Variants in NHEJ1 observed in about 807,000 individuals in gnomAD.
The protein encoded by NHEJ1 is non-homologous end joining factor 1.
A neutral mutation model predicts 39.4 loss-of-function variants in NHEJ1; 22 were observed. The ratio of observed to expected loss-of-function variants is 0.56; its 90% CI spans 0.40 to 0.80. The LOEUF is 0.80. Ranked by LOEUF, NHEJ1 falls within the 30% of genes least tolerant of loss-of-function variation. The pLI is 0.00. For missense variants in NHEJ1, 329 were observed against 357.1 expected, an observed-to-expected ratio of 0.92 and a Z score of 0.63; for synonymous variants, 154 against 135.6, an observed-to-expected ratio of 1.14 and a Z score of -0.94.
rs71429214 is a variant in NHEJ1, at chr2:219,073,772, C to T, written c.*2609G>A. ...TGGCCCCAGCCCCAGCCCCGGGGAG[C>T]GGGCGGGTAGGCGGGGAGGTGGGCC... On this transcript the variant is annotated 3_prime_UTR_variant, in exon 8 of 8. Transcript: ENST00000356853. 5.3e-5 allele frequency among the ~76,000 whole-genome samples: 8 copies of T among 152,312 alleles called. No homozygotes were observed. Among genetic ancestry groups the T allele is most frequent in the South Asian group, 2.1e-4 (1 of 4,830 alleles).
chr2:219,119,312 T>G (rs1949448465), intron 5 of NHEJ1, among the ~76,000 whole-genome samples: 1 of 152,156 alleles, frequency 6.6e-6, no homozygotes, highest in Non-Finnish European at 1.5e-5. Flanking sequence ...GTGTAGAAAC[T>G]ATGGCATCTG....
chr2:219,160,618 C>A (rs2106372824), intron 1 of NHEJ1, 102 bp downstream of exon 1: 1 of 152,220 alleles, frequency 6.6e-6, no homozygotes, highest in East Asian at 1.9e-4. Flanking sequence ...GCAGCGCGCG[C>A]TCCCTCCAGG....
At chr2:219,080,157 G>A (rs1032600005) in intron 5 of NHEJ1, among the ~76,000 whole-genome samples, 4 of 152,088 alleles carry the variant, frequency 2.6e-5, no homozygotes, top group African/African-American at 4.8e-5. Flanking sequence ...ATCTGGTCCT[G>A]CAGTTGCTGG....
chr2:219,137,214 C>T (rs1173496677), intron 5 of NHEJ1, among the ~76,000 whole-genome samples: 2 of 152,130 alleles, frequency 1.3e-5, no homozygotes, highest in Admixed American at 1.3e-4. Flanking sequence ...TGGAGATTTT[C>T]ATTCCAGAGC....
Position 219,073,454 on chromosome 2 carries a change from GA to G in NHEJ1, c.*2926del, listed in dbSNP as rs1948982721. Among the ~76,000 whole-genome samples, 1 of 152,202 alleles carries G rather than the reference GA, an allele frequency of 6.6e-6. No homozygotes were observed. The highest frequency in any genetic ancestry group is 2.4e-5 in the African/African-American group (1 of 41,450). ...TGGGGAAGCCCCCACTGAGGCATGAGAAAAGGAGGTGCTACCCAGCTAGAGT... is the reference window on the plus strand; with the variant it reads ...TGGGGAAGCCCCCACTGAGGCATGAGAAAGGAGGTGCTACCCAGCTAGAGT... On this transcript the variant is annotated 3_prime_UTR_variant, in exon 8 of 8. Transcript: ENST00000356853.
intron 5 of NHEJ1, among the ~76,000 whole-genome samples, chr2:219,136,336 T>G (rs137962836): frequency 0.014 from 2,134 of 150,108 alleles, 20 homozygotes; most frequent in Non-Finnish European, 0.022. Context: ...TCGCTCAGGC[T>G]GGAGTGCAGT....
At position 219,111,119 on chromosome 2, in the gene NHEJ1, T is replaced by C. The variant is rs570157256; in HGVS notation, c.589-32913A>G. Among the ~76,000 whole-genome samples the C allele has an allele frequency of 3.7e-4, 56 of 152,278 alleles. 1 individual carries two copies. In the South Asian group the frequency reaches 0.011, roughly 31 times the overall value. On this transcript the variant is annotated intron_variant, in intron 5 of 7. Coordinates refer to ENST00000356853, the MANE Select transcript of NHEJ1 (RefSeq NM_024782.3). This position sits in a 1 kb window ranked among gnomAD's most constrained non-coding sequence, Gnocchi z 4.1. ...AGGAACAAAGGTCATATTCCTTAACTAAGGACCAGAGGGGGGAAAATCATT... is the reference window on the plus strand; with the variant it reads ...AGGAACAAAGGTCATATTCCTTAACCAAGGACCAGAGGGGGGAAAATCATT...
rs963644963 is a variant in NHEJ1, at chr2:219,071,384, G to A, written c.*4997C>T. 2.0e-5 allele frequency among the ~76,000 whole-genome samples: 3 copies of A among 152,298 alleles called. No individual in the cohort carries two copies. The highest frequency in any genetic ancestry group is 4.8e-5 in the African/African-American group (2 of 41,576). On this transcript the variant is annotated 3_prime_UTR_variant, in exon 8 of 8. Coordinates refer to ENST00000356853, the MANE Select transcript of NHEJ1 (RefSeq NM_024782.3). ...GTTAGGCAAACAGGCCAGGGAGGCC[G>A]TTGGTTGAAATTTAACCACAATATT...
At position 219,146,625 on chromosome 2, in the gene NHEJ1, C is replaced by A. The variant is rs140184615; in HGVS notation, c.588+55G>T. The stretch of plus-strand genomic sequence containing the variant: ...CCCAAAACACAAATGGCCACTCAGG[C>A]ACCTGGAAAGAGGAAGTAGGGCAAA... On this transcript the variant is annotated intron_variant, in intron 5 of 7. Coordinates refer to ENST00000356853, the MANE Select transcript of NHEJ1 (RefSeq NM_024782.3). 5,539 of 1,397,856 alleles carry A rather than the reference C, an allele frequency of 4.0e-3. 282 individuals are homozygous for A. The Admixed American group carries it at 0.081, about 20-fold the overall frequency. The allele number at this position is 1,397,856 out of a possible 1,614,324, so 86.6% of individuals were successfully genotyped here.
intron 3 of NHEJ1, among the ~76,000 whole-genome samples, chr2:219,152,874 C>T (rs938246010): frequency 6.6e-6 from 1 of 151,734 alleles, no homozygotes; most frequent in Non-Finnish European, 1.5e-5. Flanking sequence ...GCAATCTCAG[C>T]TCACTGCAAC....
chr2:219,122,771 T>C (rs959480995), intron 5 of NHEJ1, among the ~76,000 whole-genome samples: 2 of 152,194 alleles, frequency 1.3e-5, no homozygotes, highest in African/African-American at 2.4e-5. Context: ...CTCATGAATA[T>C]TGATGAGCCT....
chr2:219,160,090 G>T (rs546501889), intron 1 of NHEJ1, among the ~76,000 whole-genome samples: 1 of 152,148 alleles, frequency 6.6e-6, no homozygotes, highest in Admixed American at 6.5e-5. Flanking sequence ...CTTCAAGGCT[G>T]CCTCTAACAT....
chr2:219,148,644 A>G (rs1039443767), intron 3 of NHEJ1, among the ~76,000 whole-genome samples: 2 of 152,204 alleles, frequency 1.3e-5, no homozygotes, highest in African/African-American at 4.8e-5. Flanking sequence ...GCAAAAACAG[A>G]GTACACTAGC....
intron 5 of NHEJ1, among the ~76,000 whole-genome samples, chr2:219,132,974 G>A (rs763296125): frequency 4.6e-5 from 7 of 151,998 alleles, no homozygotes; most frequent in Non-Finnish European, 8.8e-5. Context: ...ATCTTCAACG[G>A]GCTTAATAAG....
At chr2:219,082,389 G>C (rs745643382) in intron 5 of NHEJ1, among the ~76,000 whole-genome samples, 1 of 152,106 alleles carries the variant, frequency 6.6e-6, no homozygotes, top group Non-Finnish European at 1.5e-5. Flanking sequence ...ATCTTCATGG[G>C]GTCTAAACTC....
chr2:219,156,452 T>C (rs1159008568), intron 3 of NHEJ1, among the ~76,000 whole-genome samples: 1 of 152,234 alleles, frequency 6.6e-6, no homozygotes, highest in East Asian at 1.9e-4. Context: ...CCCTGTCCCC[T>C]AAGTGCTACT....
chr2:219,136,211 A>G (rs890578766), intron 5 of NHEJ1, among the ~76,000 whole-genome samples: 5 of 151,748 alleles, frequency 3.3e-5, no homozygotes, highest in South Asian at 2.1e-4. Context: ...AAAATGGATA[A>G]TTTTTACCCC....
rs1948946084 is a variant in NHEJ1, at chr2:219,070,370, T to C, written c.*6011A>G. Among the ~76,000 whole-genome samples, 1 of 152,176 alleles carries C rather than the reference T, an allele frequency of 6.6e-6. No individual in the cohort carries two copies. Among genetic ancestry groups the C allele is most frequent in the South Asian group, 2.1e-4 (1 of 4,830 alleles). Reference sequence around the variant, plus strand: ...CCACATCCAGCTAATTTTTGTATTTTTAGTAGAGATGGGGTTTCACCATGT... The same window carrying C: ...CCACATCCAGCTAATTTTTGTATTTCTAGTAGAGATGGGGTTTCACCATGT... On this transcript the variant is annotated 3_prime_UTR_variant, in exon 8 of 8. Transcript: ENST00000356853.
chr2:219,133,030 A>T (rs1949593307), intron 5 of NHEJ1, among the ~76,000 whole-genome samples: 1 of 152,160 alleles, frequency 6.6e-6, no homozygotes, highest in South Asian at 2.1e-4. Flanking sequence ...AAACAAATAG[A>T]CCAAAGATCT....
Sources: allele counts gnomAD v4.1 joint callset (sites outside exome capture counted in the v4.1 genomes callset), GRCh38; gene constraint gnomAD v4.1.1; non-coding constraint Gnocchi (gnomAD v3.1); transcripts MANE v1.5; gene names NCBI Gene and HGNC (gene_info 2026-07-23, HGNC 2026-07-21).